The following PTPRG variants were observed in gnomAD, a reference collection of about 807,000 sequenced individuals.
PTPRG encodes protein tyrosine phosphatase receptor type G, also known as receptor-type tyrosine-protein phosphatase gamma.
PTPRG carries 102 observed loss-of-function variants against 165.3 expected under a neutral mutation model. The ratio of observed to expected loss-of-function variants is 0.62; its 90% CI spans 0.53 to 0.73. The LOEUF (loss-of-function observed/expected upper bound fraction) is 0.73. Among genes scored for constraint, PTPRG ranks in the 30% least tolerant of loss-of-function variants. PTPRG has a pLI of 0.00. For synonymous variants in PTPRG, 675 were observed against 669.5 expected (o/e 1.01, Z -0.13); for missense variants, 1,866 against 1,861.4 (o/e 1.00, Z -0.05).
At chr3:61,775,501 G>A (rs970115391) in intron 2 of PTPRG, among the ~76,000 whole-genome samples, 2 of 152,090 alleles carry the variant, frequency 1.3e-5, no homozygotes, top group Admixed American at 1.3e-4. Flanking sequence ...TAATGTTACG[G>A]GAGAAATGCT....
At chr3:61,587,572 C>G (rs1287088874) in intron 1 of PTPRG, among the ~76,000 whole-genome samples, 1 of 152,202 alleles carries the variant, frequency 6.6e-6, no homozygotes, top group Non-Finnish European at 1.5e-5. Flanking sequence ...TATGTAATTA[C>G]AGACCTTATT....
At chr3:62,109,457 G>A (rs9866408) in intron 5 of PTPRG, among the ~76,000 whole-genome samples, 19,531 of 152,142 alleles carry the variant, frequency 0.13, 1,356 homozygotes, top group African/African-American at 0.17. Context: ...GTCTTGCAGT[G>A]TAGTTTGAAG....
chr3:61,987,627 A>C (rs542202570), intron 2 of PTPRG, among the ~76,000 whole-genome samples: 1 of 152,160 alleles, frequency 6.6e-6, no homozygotes, highest in South Asian at 2.1e-4. Flanking sequence ...GAAGGCATGC[A>C]TACATACACA....
chr3:61,792,255 C>T (rs780714027), intron 2 of PTPRG, among the ~76,000 whole-genome samples: 2 of 152,088 alleles, frequency 1.3e-5, no homozygotes, highest in Non-Finnish European at 2.9e-5. Flanking sequence ...AGGCTGAGTG[C>T]AGTGGTGCCA....
At chr3:61,856,688 C>T (rs959762942) in intron 2 of PTPRG, among the ~76,000 whole-genome samples, 2 of 152,202 alleles carry the variant, frequency 1.3e-5, no homozygotes, top group Admixed American at 1.3e-4. Context: ...GTCTCCAGGT[C>T]ATTAACAAAC....
At chr3:62,107,391 A>C (rs1378338181) in intron 5 of PTPRG, among the ~76,000 whole-genome samples, 2 of 152,268 alleles carry the variant, frequency 1.3e-5, no homozygotes, top group Non-Finnish European at 2.9e-5. Context: ...CTACAGCATG[A>C]TAGATGCACA....
At chr3:62,178,320 A>G (rs900009779) in intron 8 of PTPRG, among the ~76,000 whole-genome samples, 26 of 152,178 alleles carry the variant, frequency 1.7e-4, no homozygotes, top group Admixed American at 1.6e-3. Flanking sequence ...TAACATATAC[A>G]TATCAGGTGG....
chr3:62,247,970 G>C (rs1039065586), intron 15 of PTPRG, among the ~76,000 whole-genome samples: 2 of 152,118 alleles, frequency 1.3e-5, no homozygotes, highest in African/African-American at 2.4e-5. Context: ...AGGATATTCA[G>C]TGTGTTCTTC....
intron 1 of PTPRG, among the ~76,000 whole-genome samples, chr3:61,656,237 AAAAT>A (rs1177935883): frequency 2.0e-5 from 3 of 152,118 alleles, no homozygotes; most frequent in Non-Finnish European, 2.9e-5. Context: ...GTCTCTTAAA[AAAAT>A]AAATAAATAA....
At chr3:61,783,120 A>G (rs549618923) in intron 2 of PTPRG, among the ~76,000 whole-genome samples, 2 of 152,276 alleles carry the variant, frequency 1.3e-5, no homozygotes, top group South Asian at 4.1e-4. Flanking sequence ...TTGGTTGAGT[A>G]TTCCATTTGT....
At chr3:62,013,674 G>A (rs2041478906) in intron 4 of PTPRG, among the ~76,000 whole-genome samples, 1 of 151,806 alleles carries the variant, frequency 6.6e-6, no homozygotes, top group African/African-American at 2.4e-5. Flanking sequence ...TCATAATGTT[G>A]TATACCTTAA....
intron 5 of PTPRG, among the ~76,000 whole-genome samples, chr3:62,119,346 G>A (rs965652182): frequency 1.3e-5 from 2 of 152,226 alleles, no homozygotes; most frequent in African/African-American, 4.8e-5. Flanking sequence ...GCCAGGGAAG[G>A]CCTCCCATGG....
chr3:62,173,654 C>T (rs1705306262), intron 8 of PTPRG, among the ~76,000 whole-genome samples: 1 of 152,152 alleles, frequency 6.6e-6, no homozygotes. Flanking sequence ...ACTTGGTAAC[C>T]ACCCACTTAC....
chr3:61,622,068 C>T (rs1490693973), intron 1 of PTPRG, among the ~76,000 whole-genome samples: 1 of 152,116 alleles, frequency 6.6e-6, no homozygotes, highest in Non-Finnish European at 1.5e-5. Flanking sequence ...ACAGTATTTG[C>T]GGGGCATACA....
At chr3:61,645,276 G>T (rs1702168689) in intron 1 of PTPRG, among the ~76,000 whole-genome samples, 1 of 152,214 alleles carries the variant, frequency 6.6e-6, no homozygotes. Flanking sequence ...GTGATTAATA[G>T]CTTTGTCCAC....
At chr3:61,939,404 C>G (rs1049677586) in intron 2 of PTPRG, among the ~76,000 whole-genome samples, 1 of 152,036 alleles carries the variant, frequency 6.6e-6, no homozygotes, top group Non-Finnish European at 1.5e-5. Context: ...GTGATGGAAC[C>G]TAAAGAAAAA....
At chr3:62,272,557 G>T (rs1470255060) in intron 21 of PTPRG, among the ~76,000 whole-genome samples, 1 of 152,138 alleles carries the variant, frequency 6.6e-6, no homozygotes, top group African/African-American at 2.4e-5. Flanking sequence ...TCTAAGTGGG[G>T]TTTAGGCTGG....
chr3:61,883,020 T>G (rs1301287272), intron 2 of PTPRG, among the ~76,000 whole-genome samples: 1 of 152,190 alleles, frequency 6.6e-6, no homozygotes, highest in African/African-American at 2.4e-5. Flanking sequence ...TCAACCCCTG[T>G]GTTCAAAACT....
At chr3:61,855,409 C>T (rs1431204763) in intron 2 of PTPRG, among the ~76,000 whole-genome samples, 1 of 152,042 alleles carries the variant, frequency 6.6e-6, no homozygotes, top group African/African-American at 2.4e-5. Context: ...TGTTCTCATA[C>T]CCCTTCCAAA....
Sources: gnomAD v4.1 joint callset for allele counts (sites outside exome capture counted in the v4.1 genomes callset) on GRCh38, gnomAD v4.1.1 for gene constraint, MANE v1.5 for transcripts, NCBI Gene and HGNC (gene_info 2026-07-23, HGNC 2026-07-21) for gene names.